The following NXPE2 variants were observed in gnomAD, a reference collection of about 807,000 sequenced individuals.
NXPE2 encodes NXPE family member 2.
In NXPE2, 34 loss-of-function variants were observed where a neutral mutation model predicts 34.4. The observed-to-expected ratio is 0.99, with a 90% CI of 0.75 to 1.31. The LOEUF (loss-of-function observed/expected upper bound fraction) is 1.31. NXPE2 is among the 40% of genes most tolerant of loss of function. The pLI, the probability that NXPE2 is intolerant of heterozygous loss-of-function variation, is 0.00. For synonymous variants in NXPE2, 235 were observed against 231.3 expected (o/e 1.02, Z -0.15); for missense variants, 649 against 672.5 (o/e 0.97, Z 0.39).
At chr11:114,810,564 G>A in the NXPE2 span, among the ~76,000 whole-genome samples, 1 of 152,058 alleles carries the variant, frequency 6.6e-6, no homozygotes, top group Non-Finnish European at 1.5e-5. Context: ...AGACATTTAT[G>A]CAGCCAAAAA....
intron 3 of NXPE2, among the ~76,000 whole-genome samples, chr11:114,702,215 A>G (rs1399057795): frequency 6.6e-6 from 1 of 152,242 alleles, no homozygotes; most frequent in Non-Finnish European, 1.5e-5. Context: ...ATTATGGTCT[A>G]ATTAATTATA....
At chr11:114,523,914 A>G in the NXPE2 span, among the ~76,000 whole-genome samples, 3 of 152,240 alleles carry the variant, frequency 2.0e-5, no homozygotes, top group African/African-American at 7.2e-5. Flanking sequence ...TGAATGCTGT[A>G]AGAAAGACCA....
the NXPE2 span, among the ~76,000 whole-genome samples, chr11:114,735,933 G>A: frequency 6.6e-6 from 1 of 152,132 alleles, no homozygotes; most frequent in African/African-American, 2.4e-5. Context: ...GAGAAATAAA[G>A]GGACAGAGTA....
At chr11:114,635,859 C>A in the NXPE2 span, among the ~76,000 whole-genome samples, 40 of 152,114 alleles carry the variant, frequency 2.6e-4, no homozygotes, top group African/African-American at 9.2e-4. Flanking sequence ...TTGCTGTATT[C>A]GGTTTGCCAG....
chr11:114,467,535 G>C, the NXPE2 span, among the ~76,000 whole-genome samples: 1 of 151,804 alleles, frequency 6.6e-6, no homozygotes, highest in South Asian at 2.1e-4. Flanking sequence ...CCTGGAAATA[G>C]GGAAGAAGGC....
Position 114,698,456 on chromosome 11 carries a change from T to C in NXPE2, c.544T>C (p.Phe182Leu). 1.9e-6 allele frequency: 3 copies of C among 1,614,038 alleles called. No homozygotes were observed. The highest frequency in any genetic ancestry group is 2.5e-6 in the Non-Finnish European group (3 of 1,179,948). The change falls in exon 3 of 6, where the codon TTC (phenylalanine) becomes CTC (leucine). Residue 182 changes from phenylalanine (F) to leucine (L), a missense_variant. Phe to Leu is a conservative substitution (Grantham distance 22). Coordinates refer to ENST00000389586, the MANE Select transcript of NXPE2 (RefSeq NM_182495.6). The stretch of plus-strand genomic sequence containing the variant: ...CACCTACCTGGTCAGCTTCACTCTG[T>C]TCTGGGAGGGCCAGGTTTCCCTGTC... The part of the protein sequence containing the change: ...NGTYLVSFTL[F>L]WEGQVSLSLL...
At chr11:114,804,515 G>A in the NXPE2 span, among the ~76,000 whole-genome samples, 1 of 152,206 alleles carries the variant, frequency 6.6e-6, no homozygotes, top group East Asian at 1.9e-4. Context: ...TTTTATGAGT[G>A]CAGAGGCTGG....
At chr11:114,519,028 A>G in the NXPE2 span, among the ~76,000 whole-genome samples, 34 of 152,178 alleles carry the variant, frequency 2.2e-4, no homozygotes, top group Non-Finnish European at 1.0e-4. Flanking sequence ...TCCTTTTCTT[A>G]TAAGACCACA....
intron 2 of NXPE2, among the ~76,000 whole-genome samples, chr11:114,682,619 A>G (rs111482704): frequency 2.6e-5 from 4 of 152,326 alleles, no homozygotes; most frequent in African/African-American, 9.6e-5. Context: ...AGGAAGTAAT[A>G]ACGTTAATTA....
the NXPE2 span, among the ~76,000 whole-genome samples, chr11:114,801,500 G>A: frequency 6.6e-6 from 1 of 152,318 alleles, no homozygotes; most frequent in Middle Eastern, 3.4e-3. Context: ...ATTAATTATT[G>A]TAAAAGCAAT....
At chr11:114,776,621 A>G in the NXPE2 span, among the ~76,000 whole-genome samples, 1 of 152,216 alleles carries the variant, frequency 6.6e-6, no homozygotes, top group Admixed American at 6.5e-5. Context: ...GGGGTTTGGC[A>G]CTGGGTGGGC....
the NXPE2 span, among the ~76,000 whole-genome samples, chr11:114,623,709 G>A: frequency 1.2e-4 from 19 of 152,140 alleles, no homozygotes; most frequent in East Asian, 1.2e-3. Context: ...AGTGTTACCC[G>A]ATGGATAATA....
chr11:114,752,825 G>A, the NXPE2 span, among the ~76,000 whole-genome samples: 1 of 152,142 alleles, frequency 6.6e-6, no homozygotes, highest in Non-Finnish European at 1.5e-5. Context: ...GGATATACTA[G>A]TATGGTGTAC....
At chr11:114,759,921 A>G in the NXPE2 span, among the ~76,000 whole-genome samples, 1 of 152,186 alleles carries the variant, frequency 6.6e-6, no homozygotes, top group Non-Finnish European at 1.5e-5. Context: ...TATTTTTCTA[A>G]GGGTCACTGC....
chr11:114,773,805 CCTGA>C, the NXPE2 span, among the ~76,000 whole-genome samples: 5 of 152,218 alleles, frequency 3.3e-5, no homozygotes, highest in Admixed American at 3.3e-4. Context: ...CTTCTCTCTG[CCTGA>C]CTGAGTTTAG....
At chr11:114,583,165 A>G in the NXPE2 span, 2 of 868,358 alleles carry the variant, frequency 2.3e-6, no homozygotes. Context: ...TTTACATACT[A>G]TTATCAATAT....
the NXPE2 span, among the ~76,000 whole-genome samples, chr11:114,764,031 G>T: frequency 6.6e-6 from 1 of 152,058 alleles, no homozygotes; most frequent in Non-Finnish European, 1.5e-5. Flanking sequence ...TCAGGGAAAG[G>T]TCCCTGCTCT....
the NXPE2 span, among the ~76,000 whole-genome samples, chr11:114,663,610 T>TATCTATCTATC: frequency 2.0e-5 from 2 of 98,244 alleles, no homozygotes; most frequent in Non-Finnish European, 4.4e-5. Flanking sequence ...TCTATCTATC[T>TATCTATCTATC]ATCTATCTAT....
chr11:114,475,224 C>CTG, the NXPE2 span, among the ~76,000 whole-genome samples: 1 of 72,840 alleles, frequency 1.4e-5, no homozygotes, highest in Non-Finnish European at 3.0e-5. Flanking sequence ...TTAATGTGAA[C>CTG]TGTTTTTTTT....
Sources: allele counts gnomAD v4.1 joint callset (sites outside exome capture counted in the v4.1 genomes callset), GRCh38; gene constraint gnomAD v4.1.1; transcripts MANE v1.5; gene names NCBI Gene and HGNC (gene_info 2026-07-23, HGNC 2026-07-21).